The following GABRA2 variants were observed in gnomAD, a reference collection of about 807,000 sequenced individuals.
The protein encoded by GABRA2 is gamma-aminobutyric acid type A receptor subunit alpha2.
Under a neutral mutation model 48.7 loss-of-function variants are expected in GABRA2, and 16 were observed. The observed-to-expected ratio is 0.33, with a 90% CI of 0.22 to 0.50. The LOEUF is 0.50. Among genes scored for constraint, GABRA2 ranks in the 20% least tolerant of loss-of-function variants. The pLI is 0.98. For missense variants in GABRA2, 275 were observed against 535.6 expected, an observed-to-expected ratio of 0.51 and a Z score of 4.80; for synonymous variants, 185 against 184.5, an observed-to-expected ratio of 1.00 and a Z score of -0.02.
At chr4:46,302,251 G>A (rs1725875293) in intron 8 of GABRA2, among the ~76,000 whole-genome samples, 1 of 151,982 alleles carries the variant, frequency 6.6e-6, no homozygotes, top group African/African-American at 2.4e-5. Context: ...TAGAGAGACA[G>A]GGTCTTGCTA....
In GABRA2 at chr4:46,350,005, T is replaced by G. The variant is rs191912117; in HGVS notation, c.188-17323A>C. Among the ~76,000 whole-genome samples the G allele has an allele frequency of 1.1e-4, 17 of 152,016 alleles. No homozygotes were observed. The East Asian group carries it at 3.3e-3, about 29-fold the overall frequency. On this transcript the variant is annotated intron_variant, in intron 3 of 9. Transcript: ENST00000381620. ...GATAATAAAAGGAATTTACCACCTA[T>G]TAAGCATTTACTGTATGCTGAACTA... is the stretch of plus-strand genomic sequence containing the variant.
At chr4:46,289,907 ATT>A (rs1156491241) in intron 8 of GABRA2, among the ~76,000 whole-genome samples, 3 of 137,132 alleles carry the variant, frequency 2.2e-5, no homozygotes, top group South Asian at 2.2e-4. Context: ...TTATTTATTT[ATT>A]TTTATTTTTT....
At chr4:46,356,787 T>A (rs1433890352) in intron 3 of GABRA2, among the ~76,000 whole-genome samples, 1 of 152,110 alleles carries the variant, frequency 6.6e-6, no homozygotes, top group Non-Finnish European at 1.5e-5. Flanking sequence ...ACTGGACATT[T>A]CCCTCCCTAG....
intron 9 of GABRA2, among the ~76,000 whole-genome samples, chr4:46,257,199 CA>C (rs1312344313): frequency 6.6e-6 from 1 of 151,454 alleles, no homozygotes; most frequent in Non-Finnish European, 1.5e-5. Context: ...CAAATGGTGT[CA>C]AAACACAATT....
intron 8 of GABRA2, among the ~76,000 whole-genome samples, chr4:46,284,077 G>GAAA (rs3068328): frequency 7.3e-5 from 9 of 123,342 alleles, no homozygotes; most frequent in Non-Finnish European, 1.4e-4. Context: ...GTTCTTAATA[G>GAAA]AAAAAAAAAA....
intron 5 of GABRA2, among the ~76,000 whole-genome samples, chr4:46,310,504 T>C (rs1217512038): frequency 1.3e-5 from 2 of 152,170 alleles, no homozygotes; most frequent in African/African-American, 4.8e-5. Context: ...TCTTAAGAAG[T>C]GAAGAAATTA....
intron 3 of GABRA2, among the ~76,000 whole-genome samples, chr4:46,369,636 A>T (rs535487719): frequency 6.6e-6 from 1 of 152,138 alleles, no homozygotes; most frequent in African/African-American, 2.4e-5. Context: ...GGCACAGTTC[A>T]TCATTTGTCT....
intron 8 of GABRA2, among the ~76,000 whole-genome samples, chr4:46,296,338 C>T (rs1724681910): frequency 6.6e-6 from 1 of 152,006 alleles, no homozygotes; most frequent in South Asian, 2.1e-4. Context: ...AATGCTGGCA[C>T]CAGAGGAAAC....
intron 3 of GABRA2, among the ~76,000 whole-genome samples, chr4:46,378,132 C>T (rs1315027361): frequency 6.6e-6 from 1 of 152,064 alleles, no homozygotes; most frequent in Non-Finnish European, 1.5e-5. Context: ...GCCCCTCTGC[C>T]CGGCCACCAC....
intron 8 of GABRA2, among the ~76,000 whole-genome samples, chr4:46,279,169 C>T (rs531245708): frequency 2.0e-5 from 3 of 151,966 alleles, no homozygotes; most frequent in East Asian, 1.9e-4. Context: ...ATTTTCTGTC[C>T]GATATCTATT....
Position 46,365,142 on chromosome 4 carries a change from G to T in GABRA2, c.187+20932C>A, listed in dbSNP as rs1578182722. The stretch of plus-strand genomic sequence containing the variant: ...CTAAATTTCTAAAGAAAAGCCAGAT[G>T]AAGTTAAGCTATCATTTATTTGACT... On this transcript the variant is annotated intron_variant, in intron 3 of 9. Coordinates refer to ENST00000381620, the MANE Select transcript of GABRA2 (RefSeq NM_000807.4). 2.6e-5 allele frequency: 4 copies of T among 152,104 alleles called. No homozygotes were observed. In the South Asian group the frequency reaches 8.3e-4, roughly 31 times the overall value. The allele number at this position is 152,104 out of a possible 1,614,324, so 9.4% of individuals were successfully genotyped here.
At chr4:46,363,170 T>C (rs921399215) in intron 3 of GABRA2, among the ~76,000 whole-genome samples, 3 of 152,078 alleles carry the variant, frequency 2.0e-5, no homozygotes, top group Non-Finnish European at 2.9e-5. Context: ...ATGGATAAGA[T>C]AGATGATAAG....
chr4:46,371,711 G>A (rs1029743394), intron 3 of GABRA2, among the ~76,000 whole-genome samples: 2 of 151,930 alleles, frequency 1.3e-5, no homozygotes, highest in Non-Finnish European at 2.9e-5. Flanking sequence ...TTATATTTAC[G>A]AACAATTTTG....
At chr4:46,341,118 G>A (rs1014285625) in intron 3 of GABRA2, among the ~76,000 whole-genome samples, 18 of 151,550 alleles carry the variant, frequency 1.2e-4, no homozygotes, top group South Asian at 2.1e-4. Flanking sequence ...ATTCTCTTTC[G>A]GAGAGATATT....
intron 4 of GABRA2, among the ~76,000 whole-genome samples, chr4:46,319,607 G>A (rs1195316872): frequency 6.6e-6 from 1 of 151,672 alleles, no homozygotes; most frequent in Non-Finnish European, 1.5e-5. Flanking sequence ...TCAGCAAAGG[G>A]CCAGTAAACC....
chr4:46,262,206 C>T, intron 8 of GABRA2, 78 bp from the exon 9 acceptor site: 1 of 1,094,164 alleles, frequency 9.1e-7, no homozygotes, highest in Non-Finnish European at 1.4e-6. Flanking sequence ...TTCTTTCTCC[C>T]TCCAGCCCCC....
chr4:46,309,042 G>A (rs1727180640), intron 6 of GABRA2, among the ~76,000 whole-genome samples: 1 of 152,052 alleles, frequency 6.6e-6, no homozygotes, highest in Non-Finnish European at 1.5e-5. Context: ...TAACATGATT[G>A]ACTATCTTAA....
intron 4 of GABRA2, among the ~76,000 whole-genome samples, chr4:46,321,610 T>C (rs1729461451): frequency 6.6e-6 from 1 of 152,062 alleles, no homozygotes; most frequent in Admixed American, 6.6e-5. Flanking sequence ...GTACCTGGCT[T>C]TGAGCAGGTT....
intron 3 of GABRA2, among the ~76,000 whole-genome samples, chr4:46,373,447 C>A (rs1715238976): frequency 6.6e-6 from 1 of 152,116 alleles, no homozygotes; most frequent in Admixed American, 6.5e-5. Context: ...CTCAAGAGTT[C>A]AGATAACTGT....
Sources: allele counts gnomAD v4.1 joint callset (sites outside exome capture counted in the v4.1 genomes callset), GRCh38; gene constraint gnomAD v4.1.1; transcripts MANE v1.5; gene names NCBI Gene and HGNC (gene_info 2026-07-23, HGNC 2026-07-21).